NISCH: variants seen among roughly 807,000 people sequenced by gnomAD.
NISCH encodes the protein I-1 receptor candidate protein.
NISCH carries 55 observed loss-of-function variants against 138.4 expected under a neutral mutation model. The observed-to-expected ratio is 0.40, with a 90% CI of 0.32 to 0.50. The LOEUF is 0.50. NISCH is among the 20% of genes least tolerant of loss of function. The probability of loss-of-function intolerance (pLI) is 0.71; values close to 1 mark genes in which losing one functional copy is unlikely to be tolerated. For synonymous variants in NISCH, 860 were observed against 861.5 expected (o/e 1.00, Z 0.03); for missense variants, 1,643 against 2,005.5 (o/e 0.82, Z 3.45).
At position 52,471,960 on chromosome 3, in the gene NISCH, C is replaced by T. The variant is rs768512522; in HGVS notation, c.556C>T (p.Arg186Cys). The T allele has an allele frequency of 8.8e-6, 14 of 1,599,508 alleles. No homozygotes were observed. The highest frequency in any genetic ancestry group is 2.2e-5 in the South Asian group (2 of 89,648). The stretch of plus-strand genomic sequence containing the variant: ...CGGGCACATCCTGGACTTCACCTGT[C>T]GCCTTAAGTACCTTAAGGTAAAGCT... ...DLGHILDFTC[R>C]LKYLKVSGTE... The change falls in exon 5 of 21, where the codon CGC becomes TGC. Residue 186 changes from arginine (R) to cysteine (C), a missense_variant. Arg to Cys is a radical substitution (Grantham distance 180). Coordinates refer to ENST00000345716, the MANE Select transcript of NISCH (RefSeq NM_007184.4).
At chr3:52,477,121 G>A (rs1421047041) in intron 8 of NISCH, among the ~76,000 whole-genome samples, 1 of 152,224 alleles carries the variant, frequency 6.6e-6, no homozygotes, top group Non-Finnish European at 1.5e-5. Context: ...TGTAAATTTG[G>A]TAAACTATAA....
chr3:52,477,858 C>T (rs1342357500), intron 9 of NISCH: 2 of 625,308 alleles, frequency 3.2e-6, no homozygotes, highest in African/African-American at 3.7e-5. Context: ...TGATGATGCA[C>T]CTCCGTCCTG....
chr3:52,473,123 C>G (rs1473365484), intron 6 of NISCH, among the ~76,000 whole-genome samples: 3 of 152,238 alleles, frequency 2.0e-5, no homozygotes, highest in African/African-American at 4.8e-5. Context: ...GCTGAGACTG[C>G]CTCCAGAGCC....
chr3:52,480,869 C>G, intron 13 of NISCH: 4 of 1,535,212 alleles, frequency 2.6e-6, no homozygotes, highest in Non-Finnish European at 2.6e-6. Context: ...GCTTTCACCT[C>G]TGAACCCAGG....
At chr3:52,471,328 C>T in intron 4 of NISCH, 1 of 273,534 alleles carries the variant, frequency 3.7e-6, no homozygotes, top group Non-Finnish European at 7.0e-6. Context: ...GGTCAGCGGC[C>T]CAGTCACCAG....
chr3:52,480,246 T>C lies in NISCH; in HGVS notation c.1479T>C (p.Thr493=). The C allele has an allele frequency of 6.2e-7, 1 of 1,613,926 alleles. No homozygotes were observed. Among genetic ancestry groups the C allele is most frequent in the Non-Finnish European group, 8.5e-7 (1 of 1,179,994 alleles). ...PCIRPSSSPP[T]VAPASASLPQ... ...TCAGACCCAGCAGCTCCCCTCCCAC[T>C]GTGGCTCCCGCATCTGCCTCCCTGC... Residue 493 remains threonine (T), a synonymous_variant, in exon 13 of 21, where the codon ACT becomes ACC. Transcript: ENST00000345716.
At chr3:52,470,236 G>C (rs1306144038) in intron 3 of NISCH, among the ~76,000 whole-genome samples, 4 of 152,158 alleles carry the variant, frequency 2.6e-5, no homozygotes, top group Non-Finnish European at 2.9e-5. Context: ...GCCTTGTCCT[G>C]CCCTTCATCA....
At chr3:52,477,965 TA>T in intron 9 of NISCH, 131 bp from the exon 10 acceptor site, 1 of 954,664 alleles carries the variant, frequency 1.0e-6, no homozygotes, top group Non-Finnish European at 1.6e-6. Flanking sequence ...CTTCCCTTCC[TA>T]AAATAACTGT....
chr3:52,490,702 C>T lies in NISCH; in HGVS notation c.3614-3C>T. ...TCCCTCTGTCCCTTTCTCCATCACA[C>T]AGATTTCTGGCATCAGAAAAACACC... On this transcript the variant is annotated splice_polypyrimidine_tract_variant and splice_region_variant and intron_variant, in intron 18 of 20. Coordinates refer to ENST00000345716, the MANE Select transcript of NISCH (RefSeq NM_007184.4). 1 of 1,614,184 alleles carries T rather than the reference C, an allele frequency of 6.2e-7. No homozygotes were observed. Among genetic ancestry groups the T allele is most frequent in the Non-Finnish European group, 8.5e-7 (1 of 1,180,022 alleles).
chr3:52,479,996 C>T (rs1160863322), intron 12 of NISCH, 134 bp downstream of exon 12: 15 of 951,644 alleles, frequency 1.6e-5, no homozygotes, highest in East Asian at 5.2e-5. Context: ...TGCATGACCT[C>T]GGGCAAGTCG....
chr3:52,457,149 A>C (rs1559620143), intron 1 of NISCH, among the ~76,000 whole-genome samples: 1 of 152,152 alleles, frequency 6.6e-6, no homozygotes, highest in Non-Finnish European at 1.5e-5. Flanking sequence ...GCTCAGAGAG[A>C]ACTTAGGCTC....
rs1707096911 is a variant in NISCH, at chr3:52,476,363, C to T, written c.766-84C>T. 5 of 1,485,574 alleles carry T rather than the reference C, an allele frequency of 3.4e-6. No homozygotes were observed. In the East Asian group the frequency reaches 9.1e-5, roughly 27 times the overall value. The allele number at this position is 1,485,574 out of a possible 1,614,324, so 92.0% of individuals were successfully genotyped here. On this transcript the variant is annotated intron_variant, in intron 7 of 20. Coordinates refer to ENST00000345716, the MANE Select transcript of NISCH (RefSeq NM_007184.4). ...ACATGCTAAATATGCTCCAGCCCTT[C>T]CTTAAATTCTGCAACGACTGTGTTC...
chr3:52,490,935 CTG>C, intron 19 of NISCH, 102 bp downstream of exon 19: 3 of 1,506,294 alleles, frequency 2.0e-6, no homozygotes, highest in Non-Finnish European at 2.7e-6. Context: ...ACAGTTATCT[CTG>C]TGCTCAAGAG....
At chr3:52,471,761 C>G in intron 4 of NISCH, 53 bp from the exon 5 acceptor site, 1 of 1,602,412 alleles carries the variant, frequency 6.2e-7, no homozygotes, top group South Asian at 1.1e-5. Context: ...CCTGGCTGCA[C>G]GAGGGCTGGG....
Position 52,492,278 on chromosome 3 carries a change from G to A in NISCH, c.4311G>A (p.Val1437=), listed in dbSNP as rs754912297. 1.2e-6 allele frequency: 2 copies of A among 1,613,226 alleles called. No individual in the cohort carries two copies. The highest frequency in any genetic ancestry group is 3.3e-5 in the Admixed American group (2 of 60,016). ...PQALTLVFDD[V]QGHDLMGSVT... is the part of the protein sequence containing the mutation. The stretch of plus-strand genomic sequence containing the variant: ...CCCTCACCCTCGTCTTCGATGACGT[G>A]CAAGGTCATGACCTCATGGGCAGTG... The change falls in exon 21 of 21, where the codon GTG becomes GTA. Residue 1437 remains valine (V), a synonymous_variant. Coordinates refer to ENST00000345716, the MANE Select transcript of NISCH (RefSeq NM_007184.4).
chr3:52,455,770 G>T, intron 1 of NISCH, 36 bp downstream of exon 1: 1 of 1,320,306 alleles, frequency 7.6e-7, no homozygotes. Flanking sequence ...AGCGGGGGTG[G>T]TGGCTGGAAC....
At chr3:52,467,713 T>G in intron 3 of NISCH, among the ~76,000 whole-genome samples, 1 of 152,258 alleles carries the variant, frequency 6.6e-6, no homozygotes, top group Non-Finnish European at 1.5e-5. Flanking sequence ...CCGGTGGCCC[T>G]TACTTTCTCT....
chr3:52,482,979 G>A (rs1488283351), intron 13 of NISCH, among the ~76,000 whole-genome samples: 1 of 152,222 alleles, frequency 6.6e-6, no homozygotes, highest in African/African-American at 2.4e-5. Flanking sequence ...TGGGGCTTTT[G>A]TAGACTGTCT....
At position 52,480,307 on chromosome 3, in the gene NISCH, T is replaced by C. The variant is rs1183881277; in HGVS notation, c.1528+12T>C. ...CCTCTCTAACCAAGGTAATCGTGTA[T>C]GTATCTTGCTTCTAGTGGAGCCACA... On this transcript the variant is annotated intron_variant, in intron 13 of 20. Coordinates refer to ENST00000345716, the MANE Select transcript of NISCH (RefSeq NM_007184.4). The C allele has an allele frequency of 6.2e-7, 1 of 1,613,592 alleles. No homozygotes were observed. Among genetic ancestry groups the C allele is most frequent in the African/African-American group, 1.3e-5 (1 of 74,920 alleles).
Sources: gnomAD v4.1 joint callset for allele counts (sites outside exome capture counted in the v4.1 genomes callset) on GRCh38, gnomAD v4.1.1 for gene constraint, MANE v1.5 for transcripts, NCBI Gene and HGNC (gene_info 2026-07-23, HGNC 2026-07-21) for gene names.